Variants in EYS observed in about 807,000 individuals in gnomAD.
EYS encodes the protein EGF-like photoreceptor maintenance factor.
EYS carries 250 observed loss-of-function variants against 282.1 expected under a neutral mutation model. The ratio of observed to expected loss-of-function variants is 0.89; its 90% CI spans 0.80 to 0.98. EYS has a LOEUF of 0.98. EYS is among the 50% of genes least tolerant of loss of function. EYS has a pLI of 0.00. For missense variants in EYS, 4,016 were observed against 3,709.0 expected, an observed-to-expected ratio of 1.08 and a Z score of -2.15; for synonymous variants, 1,355 against 1,282.9, an observed-to-expected ratio of 1.06 and a Z score of -1.20.
chr6:65,510,598 C>T (rs963113310), intron 2 of EYS, among the ~76,000 whole-genome samples: 3 of 152,058 alleles, frequency 2.0e-5, no homozygotes, highest in Admixed American at 6.6e-5. Flanking sequence ...TTCTTCATCT[C>T]TTCCAGTTTT....
At chr6:64,374,950 T>A (rs1238803787) in intron 29 of EYS, among the ~76,000 whole-genome samples, 1 of 152,170 alleles carries the variant, frequency 6.6e-6, no homozygotes, top group Admixed American at 6.5e-5. Flanking sequence ...CCTAAAAGAT[T>A]CCAAGTGGAG....
intron 29 of EYS, among the ~76,000 whole-genome samples, chr6:64,322,375 G>C (rs1474561752): frequency 3.3e-5 from 5 of 152,014 alleles, no homozygotes; most frequent in African/African-American, 1.2e-4. Context: ...GAAATAGACT[G>C]ATAGATTTCT....
In EYS at chr6:65,689,159, T is replaced by C. The variant is rs1216582176; in HGVS notation, c.-448+17976A>G. ...ACAATGATAGACTGGATTAAGAAAA[T>C]GTGGTACATATTCACCATGGAATAC... On this transcript the variant is annotated intron_variant, in intron 1 of 42. Transcript: ENST00000503581. 2.7e-5 allele frequency among the ~76,000 whole-genome samples: 4 copies of C among 149,688 alleles called. 1 individual carries two copies. Among genetic ancestry groups the C allele is most frequent in the African/African-American group, 7.3e-5 (3 of 41,010 alleles).
At chr6:65,182,113 C>T (rs372400971) in intron 12 of EYS, among the ~76,000 whole-genome samples, 9 of 151,642 alleles carry the variant, frequency 5.9e-5, no homozygotes, top group South Asian at 2.1e-4. Flanking sequence ...TGTTAAATGA[C>T]GAGTTAATGG....
chr6:64,391,750 G>C (rs991267635), intron 28 of EYS, among the ~76,000 whole-genome samples: 8 of 152,066 alleles, frequency 5.3e-5, no homozygotes, highest in Non-Finnish European at 1.2e-4. Context: ...ACATCATAAT[G>C]ACAGGATCAA....
intron 31 of EYS, among the ~76,000 whole-genome samples, chr6:64,124,294 C>T (rs941213919): frequency 6.0e-5 from 9 of 149,690 alleles, no homozygotes; most frequent in African/African-American, 2.3e-4. Context: ...CTCTGCTCCA[C>T]GTTCTGGCCT....
intron 12 of EYS, among the ~76,000 whole-genome samples, chr6:65,192,976 C>A (rs1765678235): frequency 6.6e-6 from 1 of 151,746 alleles, no homozygotes; most frequent in South Asian, 2.1e-4. Context: ...TAACTATAGT[C>A]ACCCCACTAT....
chr6:63,774,830 A>G (rs1770024682), intron 40 of EYS, among the ~76,000 whole-genome samples: 1 of 151,668 alleles, frequency 6.6e-6, no homozygotes, highest in African/African-American at 2.4e-5. Flanking sequence ...AATGTAAAAT[A>G]TCTTTCTTCT....
chr6:64,715,085 A>T (rs1044603821), intron 22 of EYS, among the ~76,000 whole-genome samples: 3 of 151,646 alleles, frequency 2.0e-5, no homozygotes, highest in African/African-American at 7.3e-5. Flanking sequence ...TTATCCATGG[A>T]CTGGGGGTGA....
intron 18 of EYS, among the ~76,000 whole-genome samples, chr6:64,898,279 A>G (rs1442136143): frequency 2.0e-5 from 3 of 152,198 alleles, no homozygotes; most frequent in African/African-American, 7.2e-5. Context: ...CACAAGCCAG[A>G]AGACAGTGTG....
At chr6:64,329,811 G>C (rs1770573022) in intron 29 of EYS, among the ~76,000 whole-genome samples, 2 of 152,170 alleles carry the variant, frequency 1.3e-5, no homozygotes, top group South Asian at 2.1e-4. Context: ...AGTAAATAAG[G>C]TTGCAGCTAC....
At chr6:65,225,596 C>A (rs891642564) in intron 12 of EYS, among the ~76,000 whole-genome samples, 2 of 151,644 alleles carry the variant, frequency 1.3e-5, no homozygotes, top group African/African-American at 4.8e-5. Flanking sequence ...CATCTGTAAT[C>A]CCAGCTACTC....
chr6:64,741,515 C>G (rs1772371814), intron 22 of EYS, among the ~76,000 whole-genome samples: 1 of 152,182 alleles, frequency 6.6e-6, no homozygotes, highest in South Asian at 2.1e-4. Flanking sequence ...TCCTTTGAAG[C>G]TTTGAAGCCA....
chr6:65,023,851 A>T (rs1772320961), intron 13 of EYS, among the ~76,000 whole-genome samples: 1 of 152,238 alleles, frequency 6.6e-6, no homozygotes, highest in Non-Finnish European at 1.5e-5. Context: ...TTCATATACC[A>T]CCACCTAGTA....
At chr6:64,039,387 AG>A (rs1770279104) in intron 33 of EYS, among the ~76,000 whole-genome samples, 5 of 152,208 alleles carry the variant, frequency 3.3e-5, no homozygotes. Flanking sequence ...TTGCAAAGCA[AG>A]GGAATACATG....
At chr6:65,020,005 C>A (rs1583404888) in intron 13 of EYS, among the ~76,000 whole-genome samples, 1 of 152,064 alleles carries the variant, frequency 6.6e-6, no homozygotes, top group Admixed American at 6.6e-5. Context: ...GAGTAACCCA[C>A]CCCCATGATT....
At chr6:64,355,639 T>C (rs1268945821) in intron 29 of EYS, among the ~76,000 whole-genome samples, 1 of 151,670 alleles carries the variant, frequency 6.6e-6, no homozygotes, top group African/African-American at 2.4e-5. Flanking sequence ...CTGAGCAGTT[T>C]ATTTCCTGGG....
intron 2 of EYS, among the ~76,000 whole-genome samples, chr6:65,574,893 A>G (rs1764603319): frequency 6.6e-6 from 1 of 152,210 alleles, no homozygotes; most frequent in Non-Finnish European, 1.5e-5. Flanking sequence ...AACAAATTTA[A>G]GAAGATTGAA....
chr6:64,564,294 T>A (rs111373434), intron 26 of EYS, among the ~76,000 whole-genome samples: 1 of 138,640 alleles, frequency 7.2e-6, no homozygotes, highest in Admixed American at 7.3e-5. Flanking sequence ...TTTTTTTTTT[T>A]TGAGACGGAG....
Sources: gnomAD v4.1 joint callset for allele counts (sites outside exome capture counted in the v4.1 genomes callset) on GRCh38, gnomAD v4.1.1 for gene constraint, MANE v1.5 for transcripts, NCBI Gene and HGNC (gene_info 2026-07-23, HGNC 2026-07-21) for gene names.